The following RASGRP1 variants were observed in gnomAD, a reference collection of about 807,000 sequenced individuals.
The protein encoded by RASGRP1 is RAS guanyl-releasing protein 1.
In RASGRP1, 37 loss-of-function variants were observed where a neutral mutation model predicts 95.1. The ratio of observed to expected loss-of-function variants is 0.39; its 90% CI spans 0.30 to 0.51. The LOEUF is 0.51. RASGRP1 is among the 20% of genes least tolerant of loss of function. The pLI, the probability that RASGRP1 is intolerant of heterozygous loss-of-function variation, is 0.80. For missense variants in RASGRP1, 711 were observed against 965.4 expected (o/e 0.74, Z 3.49); for synonymous variants, 325 against 353.4 (o/e 0.92, Z 0.90).
At chr15:38,523,124 T>C (rs1892063404) in intron 3 of RASGRP1, among the ~76,000 whole-genome samples, 1 of 152,148 alleles carries the variant, frequency 6.6e-6, no homozygotes, top group Admixed American at 6.6e-5. Context: ...TCAAGAGTGC[T>C]TCTGATGTTA....
chr15:38,495,522 CTGACTT>C (rs1295763819), intron 15 of RASGRP1, among the ~76,000 whole-genome samples: 19 of 152,160 alleles, frequency 1.2e-4, no homozygotes, highest in Non-Finnish European at 1.5e-5. Flanking sequence ...ATTGGATAGT[CTGACTT>C]TGAAGACATT....
chr15:38,561,583 G>A (rs931968761), intron 1 of RASGRP1, among the ~76,000 whole-genome samples: 3 of 152,230 alleles, frequency 2.0e-5, no homozygotes, highest in African/African-American at 4.8e-5. Flanking sequence ...AGCCTGCTAA[G>A]AGATGGTGTA....
chr15:38,563,863 T>C (rs1031612011), intron 1 of RASGRP1, among the ~76,000 whole-genome samples: 6 of 152,322 alleles, frequency 3.9e-5, no homozygotes, highest in Admixed American at 2.6e-4. Flanking sequence ...AATGGAGTTG[T>C]GAAGTGCACA....
chr15:38,529,923 G>A (rs1399167848), intron 2 of RASGRP1, among the ~76,000 whole-genome samples: 1 of 152,204 alleles, frequency 6.6e-6, no homozygotes, highest in African/African-American at 2.4e-5. Flanking sequence ...TTTAAAAAGT[G>A]TTCATCTAGC....
At chr15:38,535,375 C>T (rs767700409) in intron 2 of RASGRP1, among the ~76,000 whole-genome samples, 18 of 152,200 alleles carry the variant, frequency 1.2e-4, no homozygotes, top group Non-Finnish European at 2.1e-4. Context: ...GGAAGCCCTA[C>T]ACCCCCAACA....
At chr15:38,502,234 ATTC>A in intron 12 of RASGRP1, 75 bp downstream of exon 12, 1 of 1,016,274 alleles carries the variant, frequency 9.8e-7, no homozygotes, top group East Asian at 2.5e-5. Flanking sequence ...GAGTTTTCAA[ATTC>A]TTCTAGTGAC....
At chr15:38,542,594 T>C (rs531677019) in intron 2 of RASGRP1, among the ~76,000 whole-genome samples, 4 of 151,066 alleles carry the variant, frequency 2.6e-5, no homozygotes, top group South Asian at 4.2e-4. Flanking sequence ...GGCAGTGAAG[T>C]CTTTCGCCTG....
chr15:38,514,132 G>T (rs1190658207), intron 6 of RASGRP1, among the ~76,000 whole-genome samples: 1 of 152,058 alleles, frequency 6.6e-6, no homozygotes, highest in Non-Finnish European at 1.5e-5. Flanking sequence ...TGGGTGGGGG[G>T]TTATTACTAC....
rs752614937 is a variant in RASGRP1, at chr15:38,490,521, C to A, written c.*33G>T. 6.2e-7 allele frequency: 1 copy of A among 1,602,172 alleles called. No individual in the cohort carries two copies. The highest frequency in any genetic ancestry group is 8.5e-7 in the Non-Finnish European group (1 of 1,174,384). On this transcript the variant is annotated 3_prime_UTR_variant, in exon 17 of 17. Coordinates refer to ENST00000310803, the MANE Select transcript of RASGRP1 (RefSeq NM_005739.4). ...CAGTTTAGGAAATGAGATCACTATA[C>A]TCATCTACAGATTGTGCTACTTAGT...
chr15:38,519,951 C>T lies in RASGRP1; in HGVS notation c.327-580G>A, dbSNP rs189132503. Reference sequence around the variant, plus strand: ...AGTAGACTGACCTCATAGATTGTAACGGCAAGTCAGATAAACCGTGTGAAT... The same window carrying T: ...AGTAGACTGACCTCATAGATTGTAATGGCAAGTCAGATAAACCGTGTGAAT... On this transcript the variant is annotated intron_variant, in intron 3 of 16. Coordinates refer to ENST00000310803, the MANE Select transcript of RASGRP1 (RefSeq NM_005739.4). 5.3e-5 allele frequency among the ~76,000 whole-genome samples: 8 copies of T among 152,234 alleles called. No homozygotes were observed. The East Asian group carries it at 7.7e-4, about 15-fold the overall frequency.
At chr15:38,502,102 AC>A (rs1466638600) in intron 12 of RASGRP1, among the ~76,000 whole-genome samples, 1 of 152,088 alleles carries the variant, frequency 6.6e-6, no homozygotes, top group African/African-American at 2.4e-5. Context: ...TGATCTGCCC[AC>A]CTCGGCCTCC....
At chr15:38,505,224 T>TGGGAAG (rs1555400474) in intron 10 of RASGRP1, among the ~76,000 whole-genome samples, 57 of 152,226 alleles carry the variant, frequency 3.7e-4, no homozygotes, top group Admixed American at 9.2e-4. Flanking sequence ...TACTTGCCTG[T>TGGGAAG]GGGAGGGTAG....
At chr15:38,546,174 A>C (rs1305964802) in intron 2 of RASGRP1, among the ~76,000 whole-genome samples, 1 of 152,196 alleles carries the variant, frequency 6.6e-6, no homozygotes, top group African/African-American at 2.4e-5. Context: ...TATGTACTGC[A>C]GATTGGAATT....
intron 2 of RASGRP1, among the ~76,000 whole-genome samples, chr15:38,553,639 G>T (rs906184526): frequency 1.3e-5 from 2 of 152,188 alleles, no homozygotes; most frequent in African/African-American, 4.8e-5. Flanking sequence ...GCCTTTGAAT[G>T]CAAGAATCAA....
rs182571917 is a variant in RASGRP1 at position 38,541,411 on chromosome 15, C to A, written c.221-15007G>T. Among the ~76,000 whole-genome samples, 124 of 152,172 alleles carry A rather than the reference C, an allele frequency of 8.1e-4. 1 individual carries two copies. The highest frequency in any genetic ancestry group is 2.8e-3 in the African/African-American group (117 of 41,504). ...TTTGAGACCAGCCTGGGCAACGCAGCAGGACCTCATCTCTACTGAGAATAA... is the reference window on the plus strand; with the variant it reads ...TTTGAGACCAGCCTGGGCAACGCAGAAGGACCTCATCTCTACTGAGAATAA... On this transcript the variant is annotated intron_variant, in intron 2 of 16. Coordinates refer to ENST00000310803, the MANE Select transcript of RASGRP1 (RefSeq NM_005739.4).
rs377136147 is a variant in RASGRP1 at position 38,511,628 on chromosome 15, C to T, written c.942G>A (p.Ser314=). Residue 314 remains serine (S), a synonymous_variant, in exon 8 of 17, where the codon TCG becomes TCA. Transcript: ENST00000310803. The part of the protein sequence containing the change: ...SSISRLKETS[S]HVPHEINKVL... ...CCTTATTGATTTCATGTGGGACATG[C>T]GAACTTGTCTCCTTGAGCCTCGAGA... The T allele has an allele frequency of 1.7e-5, 28 of 1,613,276 alleles. No individual in the cohort carries two copies. The highest frequency in any genetic ancestry group is 1.7e-4 in the Admixed American group (10 of 59,990).
Position 38,512,869 on chromosome 15 carries a change from A to C in RASGRP1, c.763T>G (p.Ser255Ala). The change falls in exon 7 of 17, where the codon TCC becomes GCC. Residue 255 changes from serine (S) to alanine (A), a missense_variant. Around this residue, in one of 3 missense-constraint regions of RASGRP1, gnomAD observed 491 missense variants for 676.6 expected, o/e 0.73. Transcript: ENST00000310803. Reference protein sequence around the residue: ...ERSIALCNGISQWVQLMVLSR... With the variant: ...ERSIALCNGIAQWVQLMVLSR... Reference sequence around the variant, plus strand: ...AGAACCATCAGTTGTACCCACTGGGAGATGCCGTTGCACAGAGCAATAGAT... The same window carrying C: ...AGAACCATCAGTTGTACCCACTGGGCGATGCCGTTGCACAGAGCAATAGAT... The C allele has an allele frequency of 6.2e-7, 1 of 1,613,508 alleles. No homozygotes were observed. The highest frequency in any genetic ancestry group is 8.5e-7 in the Non-Finnish European group (1 of 1,179,712).
intron 2 of RASGRP1, among the ~76,000 whole-genome samples, chr15:38,529,763 T>A (rs985173168): frequency 3.3e-5 from 5 of 152,232 alleles, no homozygotes; most frequent in Non-Finnish European, 5.9e-5. Context: ...CTATATCGAA[T>A]AGGAAACACG....
intron 2 of RASGRP1, among the ~76,000 whole-genome samples, chr15:38,557,636 T>A (rs919353915): frequency 5.2e-4 from 79 of 151,760 alleles, no homozygotes; most frequent in African/African-American, 1.8e-3. Flanking sequence ...TGTGTATATA[T>A]ATATATATAT....
Sources: gnomAD v4.1 joint callset for allele counts (sites outside exome capture counted in the v4.1 genomes callset) on GRCh38, gnomAD v4.1.1 for gene constraint, gnomAD v4.1.1 regional missense constraint, MANE v1.5 for transcripts, NCBI Gene and HGNC (gene_info 2026-07-23, HGNC 2026-07-21) for gene names.